The following KIF26B variants were observed in gnomAD, a reference collection of about 807,000 sequenced individuals.
KIF26B encodes the protein kinesin family member 26B.
Under a neutral mutation model 151.2 loss-of-function variants are expected in KIF26B, and 63 were observed. The ratio of observed to expected loss-of-function variants is 0.42; its 90% CI spans 0.34 to 0.51. The LOEUF is 0.51. Ranked by LOEUF, KIF26B falls within the 20% of genes least tolerant of loss-of-function variation. The pLI is 0.07. For synonymous variants in KIF26B, 1,357 were observed against 1,262.1 expected (o/e 1.08, Z -1.59); for missense variants, 2,813 against 2,913.6 (o/e 0.97, Z 0.79).
intron 10 of KIF26B, among the ~76,000 whole-genome samples, chr1:245,670,801 C>T (rs1378563838): frequency 2.0e-5 from 3 of 152,142 alleles, no homozygotes; most frequent in African/African-American, 4.8e-5. Context: ...GAAATAAGCA[C>T]GTCATGGAGA....
chr1:245,561,896 G>A (rs958179881), intron 5 of KIF26B, among the ~76,000 whole-genome samples: 3 of 152,182 alleles, frequency 2.0e-5, no homozygotes, highest in African/African-American at 4.8e-5. Flanking sequence ...AATGTCAGAG[G>A]TGGTCCTGCC....
At chr1:245,308,075 T>C (rs960447958) in intron 2 of KIF26B, among the ~76,000 whole-genome samples, 15 of 152,320 alleles carry the variant, frequency 9.8e-5, no homozygotes, top group African/African-American at 3.6e-4. Context: ...TCTGAAATAA[T>C]AGAATCTCAG....
At chr1:245,408,896 T>G (rs4658459) in intron 3 of KIF26B, among the ~76,000 whole-genome samples, 34,650 of 152,048 alleles carry the variant, frequency 0.23, 6,082 homozygotes, top group African/African-American at 0.49. Context: ...TTGTTGTCAG[T>G]ATTAAATGTG....
intron 2 of KIF26B, among the ~76,000 whole-genome samples, chr1:245,285,819 C>G (rs887513807): frequency 6.6e-5 from 10 of 151,176 alleles, no homozygotes; most frequent in African/African-American, 2.4e-4. Context: ...TCCATCACTA[C>G]CAAAAAATTT....
At chr1:245,398,988 C>T (rs1234765014) in intron 3 of KIF26B, among the ~76,000 whole-genome samples, 1 of 152,160 alleles carries the variant, frequency 6.6e-6, no homozygotes, top group African/African-American at 2.4e-5. Context: ...TATGCTGTCA[C>T]GTAGCCAGAG....
At chr1:245,385,830 C>G (rs1385347545) in intron 3 of KIF26B, among the ~76,000 whole-genome samples, 1 of 152,158 alleles carries the variant, frequency 6.6e-6, no homozygotes, top group African/African-American at 2.4e-5. Context: ...AGGAAGACAG[C>G]AGCAGAAGGG....
intron 2 of KIF26B, among the ~76,000 whole-genome samples, chr1:245,252,879 G>A (rs1041421691): frequency 1.3e-5 from 2 of 151,768 alleles, no homozygotes; most frequent in Non-Finnish European, 2.9e-5. Flanking sequence ...GTGTGATATG[G>A]GTACACATGC....
At chr1:245,156,858 C>G (rs1668446457) in intron 2 of KIF26B, among the ~76,000 whole-genome samples, 175 bp downstream of exon 2, 1 of 152,170 alleles carries the variant, frequency 6.6e-6, no homozygotes, top group Admixed American at 6.5e-5. Context: ...CGACCCATGC[C>G]CCTTCCTCAG....
At chr1:245,360,692 C>T (rs970542967) in intron 2 of KIF26B, among the ~76,000 whole-genome samples, 13 of 152,252 alleles carry the variant, frequency 8.5e-5, no homozygotes, top group African/African-American at 2.6e-4. Flanking sequence ...CTGTCCATAC[C>T]ATCTAGTTGG....
intron 2 of KIF26B, among the ~76,000 whole-genome samples, chr1:245,298,959 G>C (rs1326579262): frequency 3.3e-5 from 5 of 152,190 alleles, no homozygotes; most frequent in Non-Finnish European, 5.9e-5. Context: ...TGTTCTCAGA[G>C]AAATGAGAAC....
At chr1:245,523,273 T>A (rs1168924430) in intron 4 of KIF26B, among the ~76,000 whole-genome samples, 1 of 152,214 alleles carries the variant, frequency 6.6e-6, no homozygotes, top group African/African-American at 2.4e-5. Context: ...AAAGCATTTA[T>A]TTGGTCCCAT....
chr1:245,697,065 C>T (rs1187083002), intron 12 of KIF26B, among the ~76,000 whole-genome samples: 1 of 152,128 alleles, frequency 6.6e-6, no homozygotes. Context: ...GACCTGAGAT[C>T]ACACCACTGC....
At chr1:245,354,814 C>T (rs1308808172) in intron 2 of KIF26B, among the ~76,000 whole-genome samples, 1 of 152,252 alleles carries the variant, frequency 6.6e-6, no homozygotes, top group Non-Finnish European at 1.5e-5. Context: ...CATCGAGATT[C>T]ATCTCCAGTG....
At chr1:245,648,516 T>G (rs2043978013) in intron 10 of KIF26B, among the ~76,000 whole-genome samples, 1 of 151,888 alleles carries the variant, frequency 6.6e-6, no homozygotes, top group African/African-American at 2.4e-5. Context: ...ATGGTTGTAG[T>G]CCCAGCTACT....
rs759556313 is a variant in KIF26B at position 245,702,297 on chromosome 1, G to A, written c.6179-161G>A. Among the ~76,000 whole-genome samples the A allele has an allele frequency of 2.6e-5, 4 of 152,138 alleles. No individual in the cohort carries two copies. The highest frequency in any genetic ancestry group is 5.9e-5 in the Non-Finnish European group (4 of 68,026). On this transcript the variant is annotated intron_variant, in intron 14 of 14. Transcript: ENST00000407071. This position sits in a 1 kb window ranked among gnomAD's most constrained non-coding sequence, Gnocchi z 4.1. ...TGTTCCTTTCAACCCAAAAGAGGCC[G>A]AGAATCAGGCAGGAGGGAACTCTGC...
At chr1:245,302,074 A>C (rs1671436409) in intron 2 of KIF26B, among the ~76,000 whole-genome samples, 1 of 152,208 alleles carries the variant, frequency 6.6e-6, no homozygotes, top group Admixed American at 6.5e-5. Context: ...ATTGTCAGGA[A>C]TGAAGAATTT....
chr1:245,219,792 G>A (rs1320069897), intron 2 of KIF26B, among the ~76,000 whole-genome samples: 2 of 152,126 alleles, frequency 1.3e-5, no homozygotes, highest in South Asian at 2.1e-4. Context: ...GTGTCTTCCT[G>A]AGTTTTCACC....
intron 9 of KIF26B, among the ~76,000 whole-genome samples, chr1:245,643,562 G>A (rs1000053328): frequency 5.3e-5 from 8 of 151,988 alleles, no homozygotes; most frequent in East Asian, 3.8e-4. Context: ...TCATTCACAC[G>A]TTACATTATG....
In KIF26B at chr1:245,564,629, C is replaced by T. The variant is rs2042990075; in HGVS notation, c.1350+23679C>T. Among the ~76,000 whole-genome samples the T allele has an allele frequency of 6.6e-6, 1 of 152,220 alleles. No individual in the cohort carries two copies. The highest frequency in any genetic ancestry group is 2.4e-5 in the African/African-American group (1 of 41,452). On this transcript the variant is annotated intron_variant, in intron 5 of 14. Coordinates refer to ENST00000407071, the MANE Select transcript of KIF26B (RefSeq NM_018012.4). The surrounding 1 kb of genome is among the most constrained non-coding windows in gnomAD (Gnocchi z 4.6). Reference sequence around the variant, plus strand: ...AACTCAAGGTGTATACATGTCACCTCCCAGCACAGCAAATGGCACAGACTC... The same window carrying T: ...AACTCAAGGTGTATACATGTCACCTTCCAGCACAGCAAATGGCACAGACTC...
Sources: gnomAD v4.1 joint callset for allele counts (sites outside exome capture counted in the v4.1 genomes callset) on GRCh38, gnomAD v4.1.1 for gene constraint, Gnocchi (gnomAD v3.1) non-coding constraint, MANE v1.5 for transcripts, NCBI Gene and HGNC (gene_info 2026-07-23, HGNC 2026-07-21) for gene names.